Variants in KATNAL2 observed in about 807,000 individuals in gnomAD.
The protein encoded by KATNAL2 is katanin p60 ATPase-containing subunit A-like 2.
KATNAL2 carries 52 observed loss-of-function variants against 76.3 expected under a neutral mutation model. The ratio of observed to expected loss-of-function variants is 0.68; its 90% CI spans 0.55 to 0.86. The LOEUF (loss-of-function observed/expected upper bound fraction) is 0.86. Ranked by LOEUF, KATNAL2 falls within the 40% of genes least tolerant of loss-of-function variation. The pLI, the probability that KATNAL2 is intolerant of heterozygous loss-of-function variation, is 0.00. For synonymous variants in KATNAL2, 243 were observed against 244.2 expected, an observed-to-expected ratio of 1.00 and a Z score of 0.05; for missense variants, 660 against 668.9, an observed-to-expected ratio of 0.99 and a Z score of 0.15.
At chr18:46,961,042 C>T (rs551194716) in intron 3 of KATNAL2, among the ~76,000 whole-genome samples, 3 of 152,220 alleles carry the variant, frequency 2.0e-5, no homozygotes, top group African/African-American at 7.2e-5. Flanking sequence ...GGGGACATAA[C>T]TAAGGGCTAC....
intron 15 of KATNAL2, among the ~76,000 whole-genome samples, chr18:47,081,008 C>CTT (rs2062486242): frequency 6.7e-6 from 1 of 150,240 alleles, no homozygotes; most frequent in Non-Finnish European, 1.5e-5. Context: ...CCTTCCTTCC[C>CTT]TCCTTCCCTC....
At chr18:47,033,573 G>A (rs1262323114) in intron 3 of KATNAL2, 2 of 1,614,126 alleles carry the variant, frequency 1.2e-6, no homozygotes, top group South Asian at 2.2e-5. Flanking sequence ...ACAGCTGATC[G>A]GGCCTCCACC....
intron 3 of KATNAL2, among the ~76,000 whole-genome samples, chr18:47,036,008 CAATTTCGAGA>C (rs933165192): frequency 1.3e-5 from 2 of 152,326 alleles, no homozygotes; most frequent in East Asian, 3.9e-4. Flanking sequence ...TCTGCTCCAT[CAATTTCGAGA>C]CAGTAGTTCG....
intron 1 of KATNAL2, among the ~76,000 whole-genome samples, chr18:46,933,146 A>G (rs1057089598): frequency 2.0e-5 from 3 of 152,174 alleles, no homozygotes; most frequent in African/African-American, 7.2e-5. Flanking sequence ...TATATATTTT[A>G]TAACTTGGTA....
Position 47,081,580 on chromosome 18 carries a change from C to T in KATNAL2, c.1211+4119C>T, listed in dbSNP as rs571687779. Among the ~76,000 whole-genome samples the T allele has an allele frequency of 3.3e-5, 5 of 152,278 alleles. No individual in the cohort carries two copies. In the East Asian group the frequency reaches 9.7e-4, roughly 29 times the overall value. ...GCTGGTGCTACCATATGAGAGAGTA[C>T]AGATCCAGAGACTCATTTGTCTTCC... On this transcript the variant is annotated intron_variant, in intron 15 of 17. Transcript: ENST00000683218.
At chr18:47,052,696 T>G (rs960783107) in intron 4 of KATNAL2, among the ~76,000 whole-genome samples, 184 bp from the exon 5 acceptor site, 1 of 152,196 alleles carries the variant, frequency 6.6e-6, no homozygotes, top group African/African-American at 2.4e-5. Flanking sequence ...AGATAATAGT[T>G]AAATATACTT....
chr18:46,961,643 G>A (rs1002022650), intron 3 of KATNAL2, among the ~76,000 whole-genome samples: 3 of 152,188 alleles, frequency 2.0e-5, no homozygotes, highest in African/African-American at 7.2e-5. Flanking sequence ...ACAGGCATAT[G>A]TGCCAACGTT....
Position 47,101,174 on chromosome 18 carries a change from C to A in KATNAL2, c.*169C>A. The A allele has an allele frequency of 1.4e-6, 1 of 712,032 alleles. No homozygotes were observed. The highest frequency in any genetic ancestry group is 2.2e-6 in the Non-Finnish European group (1 of 444,788). The allele number at this position is 712,032 out of a possible 1,614,324, so 44.1% of individuals were successfully genotyped here. On this transcript the variant is annotated 3_prime_UTR_variant, in exon 18 of 18. Transcript: ENST00000683218. ...TGGATAGCTGAGATATATTTATTAA[C>A]TTACCATTATCGATGTCAGCAAAAT...
chr18:47,096,603 G>A (rs971161573), intron 15 of KATNAL2, among the ~76,000 whole-genome samples: 6 of 152,078 alleles, frequency 3.9e-5, no homozygotes, highest in Non-Finnish European at 7.3e-5. Context: ...GATTACAGGC[G>A]TGAGCCACCG....
At position 47,100,762 on chromosome 18, in the gene KATNAL2, T is replaced by C; in HGVS notation, c.1478-104T>C. The stretch of plus-strand genomic sequence containing the variant: ...CTTTTGCTGCATTAACAATTAAGAA[T>C]GCTGCATTATGCATTATTTTGAAAG... On this transcript the variant is annotated intron_variant, in intron 17 of 17. Transcript: ENST00000683218. The C allele has an allele frequency of 2.9e-6, 4 of 1,357,666 alleles. No individual in the cohort carries two copies. In the South Asian group the frequency reaches 3.9e-5, roughly 13 times the overall value. 84.1% of individuals were successfully genotyped at this position (1,357,666 alleles called of 1,614,324 possible). A position where few individuals can be genotyped will look rare whatever the true frequency, so the allele number is the denominator to read the frequency against.
intron 1 of KATNAL2, among the ~76,000 whole-genome samples, chr18:46,928,009 A>T (rs1207225106): frequency 6.6e-6 from 1 of 151,846 alleles, no homozygotes; most frequent in African/African-American, 2.4e-5. Context: ...AAAGCTTTTA[A>T]CTTCTTTGCC....
At position 47,034,094 on chromosome 18, in the gene KATNAL2, G is replaced by T. The variant is rs773471442; in HGVS notation, c.52-12363G>T. 9 of 1,614,104 alleles carry T rather than the reference G, an allele frequency of 5.6e-6. No homozygotes were observed. Among genetic ancestry groups the T allele is most frequent in the Admixed American group, 5.0e-5 (3 of 60,008 alleles). ...GTCTTTTTCTTTTGCTTCCGCAACT[G>T]ATCGTAGGTGAGGTATTTTTCACAT... On this transcript the variant is annotated intron_variant, in intron 3 of 17. Transcript: ENST00000683218.
At position 47,067,029 on chromosome 18, in the gene KATNAL2, T is replaced by C. The variant is rs1161974845; in HGVS notation, c.735T>C (p.Tyr245=). Residue 245 remains tyrosine, a synonymous_variant, in exon 11 of 18, where the codon TAT becomes TAC. Coordinates refer to ENST00000683218, the MANE Select transcript of KATNAL2 (RefSeq NM_001387690.1). ...ELAAVVSRDI[Y]LHNPNIKWND... Reference sequence around the variant, plus strand: ...TCAAATGTGCATTGCAGGACATTTATCTCCATAATCCAAACATAAAGTGGA... The same window carrying C: ...TCAAATGTGCATTGCAGGACATTTACCTCCATAATCCAAACATAAAGTGGA... The C allele has an allele frequency of 6.3e-7, 1 of 1,583,704 alleles. No individual in the cohort carries two copies. Among genetic ancestry groups the C allele is most frequent in the Admixed American group, 1.7e-5 (1 of 59,338 alleles).
chr18:46,943,052 G>A (rs1437047732), intron 1 of KATNAL2, among the ~76,000 whole-genome samples: 4 of 152,104 alleles, frequency 2.6e-5, no homozygotes, highest in Non-Finnish European at 4.4e-5. Flanking sequence ...TACTCCAACT[G>A]TGAATTTCTC....
In KATNAL2 at chr18:47,053,008, A is replaced by G. The variant is rs1457723551; in HGVS notation, c.251A>G (p.Gln84Arg). The change falls in exon 5 of 18, where the codon CAG becomes CGG. Residue 84 changes from glutamine to arginine, a missense_variant. By Grantham distance (43) the Gln-to-Arg change is conservative (BLOSUM62 1). Transcript: ENST00000683218. ...EYESYYFVKF[Q>R]KYPKIVKKSS... ...GAGAGTTATTATTTTGTAAAATTTC[A>G]GAAATACCCCAAAATTGTCAAAAAG... is the stretch of plus-strand genomic sequence containing the variant. 1 of 1,607,772 alleles carries G rather than the reference A, an allele frequency of 6.2e-7. No individual in the cohort carries two copies. The highest frequency in any genetic ancestry group is 8.5e-7 in the Non-Finnish European group (1 of 1,177,678).
At position 46,945,520 on chromosome 18, in the gene KATNAL2, T is replaced by A. The variant is rs114478587; in HGVS notation, c.-509-537T>A. Among the ~76,000 whole-genome samples the A allele has an allele frequency of 3.0e-3, 457 of 152,278 alleles. 2 individuals carry two copies. Among genetic ancestry groups the A allele is most frequent in the African/African-American group, 0.01 (430 of 41,560 alleles). ...TTGTGTTAGAGTGGGGTTGCCTGTA[T>A]CCAGGTGGGAATTAGAGGTGAGACT... On this transcript the variant is annotated intron_variant, in intron 1 of 17. Coordinates refer to ENST00000683218, the MANE Select transcript of KATNAL2 (RefSeq NM_001387690.1).
chr18:47,054,933 C>T (rs927520993), intron 6 of KATNAL2, among the ~76,000 whole-genome samples: 1 of 152,250 alleles, frequency 6.6e-6, no homozygotes, highest in African/African-American at 2.4e-5. Context: ...TTCGCCAGTC[C>T]TGACCAGTGG....
At position 47,100,290 on chromosome 18, in the gene KATNAL2, G is replaced by T; in HGVS notation, c.1411G>T (p.Val471Phe). Residue 471 changes from valine to phenylalanine, a missense_variant, in exon 17 of 18, where the codon GTC (valine) becomes TTC (phenylalanine). Coordinates refer to ENST00000683218, the MANE Select transcript of KATNAL2 (RefSeq NM_001387690.1). ...EGYSGSDIKL[V>F]CREAAMRPVR... ...CTACTCAGGCTCAGATATTAAGCTC[G>T]TCTGCAGGGAAGCAGCCATGCGGCC... 1.2e-6 allele frequency: 2 copies of T among 1,614,120 alleles called. No homozygotes were observed. The highest frequency in any genetic ancestry group is 1.7e-6 in the Non-Finnish European group (2 of 1,179,984).
At chr18:46,959,656 C>T (rs986193363) in intron 3 of KATNAL2, among the ~76,000 whole-genome samples, 4 of 152,206 alleles carry the variant, frequency 2.6e-5, no homozygotes, top group African/African-American at 4.8e-5. Context: ...TCACTGCAAC[C>T]TCCGCCTCCC....
Sources: gnomAD v4.1 joint callset for allele counts (sites outside exome capture counted in the v4.1 genomes callset) on GRCh38, gnomAD v4.1.1 for gene constraint, MANE v1.5 for transcripts, NCBI Gene and HGNC (gene_info 2026-07-23, HGNC 2026-07-21) for gene names.